Variants in CYRIB observed in about 807,000 individuals in gnomAD.
The protein encoded by CYRIB is CYFIP-related Rac1 interactor B.
Under a neutral mutation model 44.2 loss-of-function variants are expected in CYRIB, and 8 were observed. That is an observed-to-expected ratio of 0.18 (90% CI 0.11 to 0.33). CYRIB has a LOEUF of 0.33. Ranked by LOEUF, CYRIB falls within the 10% of genes least tolerant of loss-of-function variation. CYRIB has a pLI of 1.00. For missense variants in CYRIB, 185 were observed against 382.8 expected (o/e 0.48, Z 4.31); for synonymous variants, 131 against 127.2 (o/e 1.03, Z -0.20).
At chr8:129,890,988 G>C (rs927623825) in intron 2 of CYRIB, among the ~76,000 whole-genome samples, 2 of 152,110 alleles carry the variant, frequency 1.3e-5, no homozygotes, top group Non-Finnish European at 2.9e-5. Context: ...TGAAAAGGTG[G>C]GAAGAAGAAA....
intron 6 of CYRIB, 161 bp downstream of exon 8, chr8:129,855,450 A>T: frequency 1.4e-6 from 1 of 706,220 alleles, no homozygotes; most frequent in Non-Finnish European, 2.2e-6. Context: ...GCCATGTATC[A>T]AAAGACCCGT....
At chr8:129,966,178 C>T (rs1447447847) in intron 2 of CYRIB, among the ~76,000 whole-genome samples, 2 of 152,206 alleles carry the variant, frequency 1.3e-5, no homozygotes, top group Admixed American at 1.3e-4. Flanking sequence ...TATTGACATA[C>T]ATTAAGTTGC....
intron 3 of CYRIB, 97 bp downstream of exon 5, chr8:129,879,290 AGC>A: frequency 1.3e-6 from 1 of 784,284 alleles, no homozygotes; most frequent in East Asian, 2.5e-5. Context: ...AGTCATGCAA[AGC>A]AGTTAAAAAG....
chr8:129,898,638 C>A (rs1205694465), intron 2 of CYRIB, among the ~76,000 whole-genome samples: 2 of 152,160 alleles, frequency 1.3e-5, no homozygotes, highest in Non-Finnish European at 2.9e-5. Flanking sequence ...AAATTAAAAT[C>A]ATTCTCTTAA....
intron 11 of CYRIB, among the ~76,000 whole-genome samples, chr8:129,845,445 A>AC (rs1190592616): frequency 6.6e-6 from 1 of 152,080 alleles, no homozygotes; most frequent in East Asian, 1.9e-4. Flanking sequence ...CGTTGTAAAA[A>AC]CCCCAAGAAT....
chr8:129,933,997 G>GT (rs2092310896), intron 1 of CYRIB, among the ~76,000 whole-genome samples: 1 of 152,084 alleles, frequency 6.6e-6, no homozygotes, highest in South Asian at 2.1e-4. Context: ...AGAAAGGGCT[G>GT]TATGTATAAA....
chr8:129,965,321 G>A (rs1447708081), intron 2 of CYRIB, among the ~76,000 whole-genome samples: 1 of 152,066 alleles, frequency 6.6e-6, no homozygotes, highest in Non-Finnish European at 1.5e-5. Context: ...ATGAGTATGT[G>A]TGTGGGTGGG....
At chr8:129,853,186 G>A (rs2044271172) in intron 7 of CYRIB, among the ~76,000 whole-genome samples, 1 of 152,180 alleles carries the variant, frequency 6.6e-6, no homozygotes, top group South Asian at 2.1e-4. Flanking sequence ...GGAGAACCAA[G>A]ATGACTAATG....
chr8:129,864,922 G>A (rs1415564722), intron 4 of CYRIB: 11 of 306,036 alleles, frequency 3.6e-5, no homozygotes, highest in South Asian at 3.4e-4. Flanking sequence ...CAGTCTATAA[G>A]CACAGGGTGA....
At chr8:129,840,927 T>C (rs1359988221) in exon 12 of CYRIB, 1 of 152,246 alleles carries the variant, frequency 6.6e-6, no homozygotes, top group African/African-American at 2.4e-5. Flanking sequence ...TTAATTGTAT[T>C]ATACCTCGGA....
At chr8:129,859,917 C>T (rs900484938) in intron 5 of CYRIB, among the ~76,000 whole-genome samples, 4 of 152,264 alleles carry the variant, frequency 2.6e-5, no homozygotes, top group African/African-American at 9.6e-5. Flanking sequence ...CCACATTTAC[C>T]AGGGCAGTGT....
chr8:129,975,668 A>G (rs1169441275), intron 1 of CYRIB, among the ~76,000 whole-genome samples: 1 of 152,128 alleles, frequency 6.6e-6, no homozygotes, highest in African/African-American at 2.4e-5. Flanking sequence ...TTATTCTGAC[A>G]CTTTCCACAT....
chr8:129,978,849 A>G (rs534325993), intron 1 of CYRIB, among the ~76,000 whole-genome samples: 186 of 152,228 alleles, frequency 1.2e-3, no homozygotes, highest in Admixed American at 2.3e-3. Context: ...AAATATATCA[A>G]TGTTGGCCGG....
chr8:129,997,797 ACT>A (rs1411560351), intron 1 of CYRIB, among the ~76,000 whole-genome samples: 2 of 151,964 alleles, frequency 1.3e-5, no homozygotes, highest in African/African-American at 4.8e-5. Context: ...GGAGGAAGAA[ACT>A]CTGCTCAAAT....
chr8:130,011,543 CAT>C (rs1299131589), intron 1 of CYRIB, among the ~76,000 whole-genome samples: 2 of 151,248 alleles, frequency 1.3e-5, no homozygotes, highest in African/African-American at 2.4e-5. Context: ...TTAGGCTGGG[CAT>C]GGTGGCTCAC....
intron 2 of CYRIB, among the ~76,000 whole-genome samples, chr8:129,902,095 C>T (rs1380207593): frequency 6.6e-6 from 1 of 152,144 alleles, no homozygotes; most frequent in Non-Finnish European, 1.5e-5. Flanking sequence ...AAAAAATACT[C>T]GTTAAGAACC....
chr8:129,913,713 C>G (rs1373660388), intron 1 of CYRIB, among the ~76,000 whole-genome samples: 1 of 152,206 alleles, frequency 6.6e-6, no homozygotes, highest in Non-Finnish European at 1.5e-5. Context: ...GAGCCTCACC[C>G]TTGGACAAGT....
chr8:129,898,874 C>CT lies in CYRIB; in HGVS notation c.-11+4437dup, dbSNP rs990881281. ...ATATATACAGTTTTACTTTGCCTTT[C>CT]TTTTTTTTTTTGGAGTCTCACTCTG... is the stretch of plus-strand genomic sequence containing the variant. On this transcript the variant is annotated intron_variant, in intron 2 of 11. Coordinates refer to ENST00000519824, the Ensembl canonical transcript of CYRIB. 5.2e-3 allele frequency among the ~76,000 whole-genome samples: 768 copies of CT among 146,548 alleles called. 4 individuals carry two copies. Among genetic ancestry groups the CT allele is most frequent in the Non-Finnish European group, 5.2e-3 (346 of 66,166 alleles).
chr8:129,889,499 C>T (rs375451882), intron 2 of CYRIB, among the ~76,000 whole-genome samples: 1 of 152,082 alleles, frequency 6.6e-6, no homozygotes, highest in African/African-American at 2.4e-5. Context: ...AATTGAAAGC[C>T]TTCTGGAAAG....
Sources: gnomAD v4.1 joint callset for allele counts (sites outside exome capture counted in the v4.1 genomes callset) on GRCh38, gnomAD v4.1.1 for gene constraint, MANE v1.5 for transcripts, NCBI Gene and HGNC (gene_info 2026-07-23, HGNC 2026-07-21) for gene names.